EEA1: variants seen among roughly 807,000 people sequenced by gnomAD.
EEA1 encodes early endosome antigen 1.
A neutral mutation model predicts 209.2 loss-of-function variants in EEA1; 111 were observed. The observed-to-expected ratio is 0.53, with a 90% CI of 0.45 to 0.62. EEA1 has a LOEUF of 0.62. Among genes scored for constraint, EEA1 ranks in the 20% least tolerant of loss-of-function variants. The pLI, the probability that EEA1 is intolerant of heterozygous loss-of-function variation, is 0.00. For missense variants in EEA1, 1,343 were observed against 1,530.8 expected, an observed-to-expected ratio of 0.88 and a Z score of 2.05; for synonymous variants, 536 against 540.6, an observed-to-expected ratio of 0.99 and a Z score of 0.12.
At chr12:92,917,146 T>C (rs200703226) in intron 1 of EEA1, among the ~76,000 whole-genome samples, 2,113 of 139,840 alleles carry the variant, frequency 0.015, 20 homozygotes, top group East Asian at 0.036. Flanking sequence ...ATGGGGAGAA[T>C]GGAACCAAGT....
Position 92,798,957 on chromosome 12 carries a change from T to G in EEA1, c.2902A>C (p.Ser968Arg). The stretch of plus-strand genomic sequence containing the variant: ...TCAATTTGTTTTTTCTTCTGTTCAC[T>G]TGATTGCTTTAGCTCATTTATGTTC... Reference protein sequence around the residue: ...QGNINELKQSSEQKKKQIEAL... With the variant: ...QGNINELKQSREQKKKQIEAL... Residue 968 changes from serine (S) to arginine (R), a missense_variant, in exon 21 of 29, where the codon AGT becomes CGT. Transcript: ENST00000322349. 6.2e-7 allele frequency: 1 copy of G among 1,612,962 alleles called. No homozygotes were observed. The highest frequency in any genetic ancestry group is 8.5e-7 in the Non-Finnish European group (1 of 1,179,664).
chr12:92,903,878 T>G (rs1038816261), intron 1 of EEA1, among the ~76,000 whole-genome samples: 1 of 152,160 alleles, frequency 6.6e-6, no homozygotes, highest in African/African-American at 2.4e-5. Context: ...TAGATGAGAT[T>G]TGTGTTAAGA....
In EEA1 at chr12:92,811,164, T is replaced by A. The variant is rs182156257; in HGVS notation, c.2199+115A>T. ...TACAAGCAATTTTTTAAAAATTTTA[T>A]ACCACAACTTCACCTTTCTTTGTTA... On this transcript the variant is annotated intron_variant, in intron 17 of 28. Coordinates refer to ENST00000322349, the MANE Select transcript of EEA1 (RefSeq NM_003566.4). 8.4e-6 allele frequency: 6 copies of A among 713,400 alleles called. No individual in the cohort carries two copies. The Admixed American group carries it at 2.5e-4, about 30-fold the overall frequency. The allele number at this position is 713,400 out of a possible 1,614,324, so 44.2% of individuals were successfully genotyped here. A position where few individuals can be genotyped will look rare whatever the true frequency, so the allele number is the denominator to read the frequency against.
chr12:92,827,764 T>C, intron 12 of EEA1, 148 bp downstream of exon 12: 1 of 743,956 alleles, frequency 1.3e-6, no homozygotes, highest in Non-Finnish European at 2.0e-6. Context: ...TGACTTAATG[T>C]AGTTAATAAG....
chr12:92,853,375 C>T (rs1483896828), intron 6 of EEA1, among the ~76,000 whole-genome samples: 7 of 152,016 alleles, frequency 4.6e-5, no homozygotes. Flanking sequence ...GATGGGGTCT[C>T]GCTATGTTAC....
intron 1 of EEA1, among the ~76,000 whole-genome samples, 171 bp downstream of exon 1, chr12:92,928,871 GC>G: frequency 6.6e-6 from 1 of 150,686 alleles, no homozygotes; most frequent in East Asian, 1.9e-4. Context: ...CGCCGCGCCG[GC>G]CCCACCCGCC....
At chr12:92,850,621 T>A (rs1445408706) in intron 9 of EEA1, among the ~76,000 whole-genome samples, 1 of 120,226 alleles carries the variant, frequency 8.3e-6, no homozygotes, top group Admixed American at 1.2e-4. Flanking sequence ...ACCCGGGAGG[T>A]GGATGTTGCA....
chr12:92,834,926 C>T (rs543992496), intron 10 of EEA1, among the ~76,000 whole-genome samples: 24 of 151,310 alleles, frequency 1.6e-4, no homozygotes, highest in Non-Finnish European at 3.4e-4. Flanking sequence ...GTCGCCCAGA[C>T]TGGAGTGCAG....
intron 2 of EEA1, among the ~76,000 whole-genome samples, chr12:92,867,829 T>G (rs564817984): frequency 2.7e-5 from 4 of 149,378 alleles, no homozygotes; most frequent in African/African-American, 9.9e-5. Context: ...GTGTCTCATC[T>G]CCATCCTCAT....
At chr12:92,833,868 T>A (rs1876782155) in intron 10 of EEA1, among the ~76,000 whole-genome samples, 1 of 152,134 alleles carries the variant, frequency 6.6e-6, no homozygotes, top group Non-Finnish European at 1.5e-5. Flanking sequence ...GAAAAGTGTG[T>A]CAAATTTCTT....
chr12:92,875,790 T>G (rs1223617294), intron 2 of EEA1, among the ~76,000 whole-genome samples: 1 of 152,306 alleles, frequency 6.6e-6, no homozygotes, highest in East Asian at 1.9e-4. Context: ...ATCTCCCCCT[T>G]GCTCACTATG....
intron 23 of EEA1, among the ~76,000 whole-genome samples, chr12:92,780,764 T>C (rs1022763767): frequency 6.6e-5 from 10 of 152,196 alleles, no homozygotes; most frequent in Admixed American, 1.3e-4. Flanking sequence ...AGTTAATCTC[T>C]AGTATATGTA....
chr12:92,831,275 C>T lies in EEA1; in HGVS notation c.1254+1237G>A, dbSNP rs1876616197. 2.6e-5 allele frequency among the ~76,000 whole-genome samples: 4 copies of T among 151,790 alleles called. No homozygotes were observed. The South Asian group carries it at 8.3e-4, about 31-fold the overall frequency. ...CCAATTTCCATTTTCAACCAATTTT[C>T]AATGTTACCTAAAGCAATAATTAGA... is the stretch of plus-strand genomic sequence containing the variant. On this transcript the variant is annotated intron_variant, in intron 11 of 28. Transcript: ENST00000322349.
intron 9 of EEA1, among the ~76,000 whole-genome samples, chr12:92,850,583 G>A (rs1354454579): frequency 6.6e-6 from 1 of 151,100 alleles, no homozygotes; most frequent in East Asian, 1.9e-4. Flanking sequence ...CCAGCTACTT[G>A]GGAGGCTGAG....
chr12:92,911,231 C>A (rs1162540514), intron 1 of EEA1, among the ~76,000 whole-genome samples: 1 of 152,150 alleles, frequency 6.6e-6, no homozygotes, highest in Non-Finnish European at 1.5e-5. Flanking sequence ...TTGTAATTGA[C>A]CAAGATGTCC....
chr12:92,816,939 CT>C (rs1034568157), intron 14 of EEA1, among the ~76,000 whole-genome samples: 2 of 151,070 alleles, frequency 1.3e-5, no homozygotes, highest in South Asian at 2.1e-4. Context: ...GAAAAGCATA[CT>C]TTTTTTTAAT....
Position 92,799,038 on chromosome 12 carries a change from T to A in EEA1, c.2821A>T (p.Ile941Leu). Reference sequence around the variant, plus strand: ...TGTTTTAAAGTATTCTGGGCCTGTATAAGTTGTTCCTGCATTGAATTGAGT... The same window carrying A: ...TGTTTTAAAGTATTCTGGGCCTGTAAAAGTTGTTCCTGCATTGAATTGAGT... ...LELNSMQEQL[I>L]QAQNTLKQNE... The change falls in exon 21 of 29, where the codon ATA becomes TTA. Residue 941 changes from isoleucine (I) to leucine (L), a missense_variant. This residue lies in a region of EEA1 where 1,307 missense variants were observed against 1,465.5 expected (regional missense o/e 0.89). Coordinates refer to ENST00000322349, the MANE Select transcript of EEA1 (RefSeq NM_003566.4). The A allele has an allele frequency of 6.2e-7, 1 of 1,609,918 alleles. No individual in the cohort carries two copies. Among genetic ancestry groups the A allele is most frequent in the African/African-American group, 1.3e-5 (1 of 74,770 alleles).
intron 1 of EEA1, among the ~76,000 whole-genome samples, chr12:92,897,543 C>A (rs1879941447): frequency 6.6e-6 from 1 of 152,208 alleles, no homozygotes; most frequent in African/African-American, 2.4e-5. Context: ...GCTGCTCAGG[C>A]CCACTCCCAC....
intron 1 of EEA1, among the ~76,000 whole-genome samples, chr12:92,904,133 G>T (rs961867748): frequency 4.0e-5 from 6 of 151,874 alleles, no homozygotes; most frequent in Non-Finnish European, 8.8e-5. Context: ...GGCTAATTTT[G>T]TATTTTTAGT....
Sources: allele counts gnomAD v4.1 joint callset (sites outside exome capture counted in the v4.1 genomes callset), GRCh38; gene constraint gnomAD v4.1.1; regional missense constraint gnomAD v4.1.1; transcripts MANE v1.5; gene names NCBI Gene and HGNC (gene_info 2026-07-23, HGNC 2026-07-21).